The following KLRG1 variants were observed in gnomAD, a reference collection of about 807,000 sequenced individuals.
KLRG1 encodes killer cell lectin-like receptor subfamily G member 1.
KLRG1 carries 16 observed loss-of-function variants against 21.8 expected under a neutral mutation model. That is an observed-to-expected ratio of 0.73 (90% confidence interval 0.50 to 1.11). The LOEUF (loss-of-function observed/expected upper bound fraction) is 1.11. Ranked by LOEUF, KLRG1 falls within the 50% of genes most tolerant of loss-of-function variation. The probability of loss-of-function intolerance (pLI) is 0.00; values close to 1 mark genes in which losing one functional copy is unlikely to be tolerated. For synonymous variants in KLRG1, 69 were observed against 75.9 expected (o/e 0.91, Z 0.47); for missense variants, 173 against 218.3 (o/e 0.79, Z 1.31).
the KLRG1 span, chr12:9,106,598 C>A: frequency 6.5e-7 from 1 of 1,549,696 alleles, no homozygotes; most frequent in African/African-American, 1.4e-5. Flanking sequence ...GCAGCCATGG[C>A]TGTTTAGCTA....
At chr12:9,202,727 C>T in the KLRG1 span, 3 of 1,563,156 alleles carry the variant, frequency 1.9e-6, no homozygotes, top group African/African-American at 2.7e-5. Context: ...ACTGTGCAGT[C>T]TTCTCCCTCT....
chr12:9,160,156 T>C, the KLRG1 span: 5 of 1,138,816 alleles, frequency 4.4e-6, no homozygotes, highest in Admixed American at 2.2e-5. Flanking sequence ...TTTGTGAATG[T>C]TATGGATAGA....
chr12:8,996,104 C>T (rs1207484888), intron 3 of KLRG1, among the ~76,000 whole-genome samples: 1 of 152,116 alleles, frequency 6.6e-6, no homozygotes, highest in African/African-American at 2.4e-5. Flanking sequence ...CCAATAAGTT[C>T]CAGACTGCAA....
the KLRG1 span, chr12:9,115,788 G>C: frequency 6.2e-7 from 1 of 1,613,392 alleles, no homozygotes; most frequent in Non-Finnish European, 8.5e-7. Context: ...TGAGGCGTCT[G>C]TGGGCAGGAG....
the KLRG1 span, chr12:9,098,460 C>A: frequency 3.1e-6 from 2 of 636,950 alleles, no homozygotes; most frequent in Non-Finnish European, 4.6e-6. Context: ...AATTCCTTAC[C>A]AATGAAAGCC....
the KLRG1 span, among the ~76,000 whole-genome samples, chr12:9,071,413 AC>A: frequency 1.3e-5 from 2 of 151,966 alleles, no homozygotes; most frequent in Admixed American, 6.6e-5. Context: ...ATATATATAC[AC>A]CAAATTAAAT....
the KLRG1 span, chr12:9,068,759 G>C: frequency 6.2e-7 from 1 of 1,606,078 alleles, no homozygotes; most frequent in Non-Finnish European, 8.5e-7. Flanking sequence ...AGTAATCATA[G>C]ACTTTCACTA....
chr12:8,959,584 CA>C (rs1277996935), intron 1 of KLRG1, among the ~76,000 whole-genome samples: 3 of 152,120 alleles, frequency 2.0e-5, no homozygotes, highest in African/African-American at 7.2e-5. Flanking sequence ...GCTGGCCCTG[CA>C]ATTATTAAAC....
At chr12:9,076,809 TG>T in the KLRG1 span, 1 of 1,614,010 alleles carries the variant, frequency 6.2e-7, no homozygotes, top group Non-Finnish European at 8.5e-7. Context: ...CCTCTTGTCC[TG>T]GTTACCTGCC....
the KLRG1 span, among the ~76,000 whole-genome samples, chr12:9,028,545 G>T: frequency 2.6e-3 from 390 of 151,764 alleles, 2 homozygotes; most frequent in African/African-American, 9.1e-3. Context: ...CCAGGTTCAA[G>T]TGATTCTGCT....
intron 3 of KLRG1, among the ~76,000 whole-genome samples, chr12:9,007,779 A>G (rs1050107496): frequency 1.9e-4 from 29 of 152,240 alleles, no homozygotes; most frequent in African/African-American, 7.0e-4. Context: ...AGTAGTTTCT[A>G]GATAAAAAAG....
chr12:8,961,236 C>T (rs2137216238), intron 1 of KLRG1, among the ~76,000 whole-genome samples: 1 of 152,190 alleles, frequency 6.6e-6, no homozygotes, highest in South Asian at 2.1e-4. Context: ...TGCCTTTGAG[C>T]CAGGAGTTTT....
At chr12:9,022,335 G>A in the KLRG1 span, among the ~76,000 whole-genome samples, 1 of 152,126 alleles carries the variant, frequency 6.6e-6, no homozygotes, top group Admixed American at 6.5e-5. Context: ...ATGGAATCAC[G>A]AGGCAATAGA....
chr12:9,087,808 A>AC, the KLRG1 span, among the ~76,000 whole-genome samples: 1 of 152,124 alleles, frequency 6.6e-6, no homozygotes, highest in Non-Finnish European at 1.5e-5. Flanking sequence ...ACAACAACCA[A>AC]CCAAACAAAA....
intron 1 of KLRG1, among the ~76,000 whole-genome samples, chr12:8,983,395 CTTT>C (rs764267755): frequency 1.1e-5 from 1 of 89,540 alleles, no homozygotes; most frequent in Non-Finnish European, 2.1e-5. Context: ...ACCATTTTAC[CTTT>C]TTTTTTTTTT....
the KLRG1 span, among the ~76,000 whole-genome samples, chr12:9,094,364 T>A: frequency 1.4e-5 from 2 of 145,744 alleles, no homozygotes; most frequent in East Asian, 4.0e-4. Context: ...TATATATATA[T>A]ATATATATAT....
At chr12:8,972,558 T>C (rs1946588855) in intron 1 of KLRG1, among the ~76,000 whole-genome samples, 1 of 152,244 alleles carries the variant, frequency 6.6e-6, no homozygotes, top group South Asian at 2.1e-4. Context: ...CACCATTTAT[T>C]GAAGAAACTA....
the KLRG1 span, among the ~76,000 whole-genome samples, chr12:9,173,421 A>G: frequency 6.6e-6 from 1 of 152,220 alleles, no homozygotes; most frequent in Non-Finnish European, 1.5e-5. Context: ...GGACTGTAGA[A>G]CCAAGAGCAT....
At chr12:8,993,439 C>T (rs1365743635) in intron 2 of KLRG1, among the ~76,000 whole-genome samples, 1 of 152,040 alleles carries the variant, frequency 6.6e-6, no homozygotes, top group Non-Finnish European at 1.5e-5. Flanking sequence ...CAGGCACCTG[C>T]CACCACGCCC....
Sources: allele counts gnomAD v4.1 joint callset (sites outside exome capture counted in the v4.1 genomes callset), GRCh38; gene constraint gnomAD v4.1.1; transcripts MANE v1.5; gene names NCBI Gene and HGNC (gene_info 2026-07-23, HGNC 2026-07-21).